The following MMD2 variants were observed in gnomAD, a reference collection of about 807,000 sequenced individuals.
MMD2 encodes monocyte to macrophage differentiation factor 2.
Under a neutral mutation model 33.5 loss-of-function variants are expected in MMD2, and 30 were observed. The observed-to-expected ratio is 0.90, with a 90% CI of 0.67 to 1.22. The LOEUF is 1.22. Among genes scored for constraint, MMD2 ranks in the 50% most tolerant of loss-of-function variants. The pLI is 0.00. For synonymous variants in MMD2, 129 were observed against 123.0 expected (o/e 1.05, Z -0.32); for missense variants, 364 against 325.4 (o/e 1.12, Z -0.91).
chr7:4,949,949 C>T (rs561368539), intron 1 of MMD2, among the ~76,000 whole-genome samples: 40 of 152,294 alleles, frequency 2.6e-4, no homozygotes, highest in Non-Finnish European at 4.4e-4. Flanking sequence ...AAATGACCTG[C>T]CCACGTTACC....
chr7:4,913,443 G>A (rs6979698), intron 4 of MMD2, among the ~76,000 whole-genome samples: 97,102 of 151,898 alleles, frequency 0.64, 31,519 homozygotes, highest in African/African-American at 0.75. Flanking sequence ...TCTGCCTGGC[G>A]CAGTGTCTCA....
At chr7:4,904,259 C>G (rs150454664), downstream of MMD2, among the ~76,000 whole-genome samples, 25 of 152,300 alleles carry the variant, frequency 1.6e-4, no homozygotes, top group East Asian at 4.8e-3. Context: ...ACACCCGGTG[C>G]GCAGCCTAGA....
At chr7:4,950,603 T>C (rs1018647920) in intron 1 of MMD2, among the ~76,000 whole-genome samples, 3 of 152,216 alleles carry the variant, frequency 2.0e-5, no homozygotes, top group Non-Finnish European at 2.9e-5. Context: ...ATACAGTATT[T>C]GTCCCCTTGG....
At chr7:4,908,757 A>G (rs1490668831) in intron 6 of MMD2, among the ~76,000 whole-genome samples, 1 of 151,752 alleles carries the variant, frequency 6.6e-6, no homozygotes, top group African/African-American at 2.4e-5. Context: ...ATTAGCCGAG[A>G]GTGGTGGCAC....
intron 1 of MMD2, among the ~76,000 whole-genome samples, chr7:4,947,267 A>G (rs901168163): frequency 2.6e-5 from 4 of 152,258 alleles, no homozygotes; most frequent in Middle Eastern, 3.4e-3. Context: ...TGCAGGCTGT[A>G]CAGGAAGCAT....
At chr7:4,925,223 G>T (rs1033705854) in intron 2 of MMD2, among the ~76,000 whole-genome samples, 1 of 152,098 alleles carries the variant, frequency 6.6e-6, no homozygotes, top group Non-Finnish European at 1.5e-5. Flanking sequence ...GAGCCACCAT[G>T]CTCGGCCCCA....
chr7:4,920,290 G>A lies in MMD2; in HGVS notation c.171C>T (p.Tyr57=), dbSNP rs377117335. ...TCTCCCAGTCATCGTCCGACAGGAA[G>A]TAGAGGTTGGAGCTGCCCAGGATGC... The part of the protein sequence containing the change: ...IPSILGSSNL[Y]FLSDDDWETI... Residue 57 remains tyrosine (Y), a synonymous_variant, in exon 3 of 7, where the codon TAC becomes TAT. Transcript: ENST00000401401. 6.2e-7 allele frequency: 1 copy of A among 1,609,216 alleles called. No homozygotes were observed. The highest frequency in any genetic ancestry group is 8.5e-7 in the Non-Finnish European group (1 of 1,178,128).
At chr7:4,925,318 G>C (rs59862378) in intron 2 of MMD2, 133 bp downstream of exon 2, 96,573 of 586,386 alleles carry the variant, frequency 0.16, 8,891 homozygotes, top group East Asian at 0.29. Flanking sequence ...ACGCCACAGT[G>C]GCCTTCCCTG....
chr7:4,958,700 C>A (rs1402730619), intron 1 of MMD2, among the ~76,000 whole-genome samples: 1 of 152,250 alleles, frequency 6.6e-6, no homozygotes, highest in Non-Finnish European at 1.5e-5. Flanking sequence ...ACTCGCATAA[C>A]CCCCGTTTTG....
chr7:4,915,755 A>G (rs1378997228), intron 4 of MMD2, among the ~76,000 whole-genome samples: 1 of 151,922 alleles, frequency 6.6e-6, no homozygotes, highest in Non-Finnish European at 1.5e-5. Flanking sequence ...TCTCAGAAAA[A>G]AAAAAAACAA....
chr7:4,902,160 C>CA (rs1243300057), downstream of MMD2, among the ~76,000 whole-genome samples: 5 of 152,282 alleles, frequency 3.3e-5, no homozygotes, highest in African/African-American at 9.6e-5. Context: ...CCATGTTGGT[C>CA]AGGCTGGTCT....
At chr7:4,909,511 C>CA (rs1784951823) in intron 6 of MMD2, among the ~76,000 whole-genome samples, 2 of 151,990 alleles carry the variant, frequency 1.3e-5, no homozygotes, top group African/African-American at 4.8e-5. Context: ...GGTGCAATCT[C>CA]GGCTCACTAC....
At position 4,959,178 on chromosome 7, in the gene MMD2, G is replaced by A. The variant is rs1786476006; in HGVS notation, c.-161C>T. On this transcript the variant is annotated 5_prime_UTR_variant, in exon 1 of 7. Transcript: ENST00000401401. ...CGGAGCCGGAGCCCGAGCCGGAGCT[G>A]GAGGCGCCCGGAGCCGCCGACGCCA... 1 of 441,816 alleles carries A rather than the reference G, an allele frequency of 2.3e-6. No homozygotes were observed. The highest frequency in any genetic ancestry group is 3.6e-6 in the Non-Finnish European group (1 of 278,904). The allele number at this position is 441,816 out of a possible 1,614,324, so 27.4% of individuals were successfully genotyped here. A position where few individuals can be genotyped will look rare whatever the true frequency, so the allele number is the denominator to read the frequency against.
chr7:4,909,968 C>T lies in MMD2; in HGVS notation c.468-18G>A, dbSNP rs751220683. 8.7e-6 allele frequency: 14 copies of T among 1,613,806 alleles called. No homozygotes were observed. The highest frequency in any genetic ancestry group is 8.3e-5 in the Admixed American group (5 of 59,998). On this transcript the variant is annotated intron_variant, in intron 5 of 6. Coordinates refer to ENST00000401401, the MANE Select transcript of MMD2 (RefSeq NM_198403.4). ...GCTTGTACCTGGCAGGAAGACAAGC[C>T]GTGCCGGCCTTAGGACATGCCTCCC...
the MMD2 span, among the ~76,000 whole-genome samples, chr7:4,894,480 G>A: frequency 3.3e-5 from 5 of 152,052 alleles, no homozygotes; most frequent in East Asian, 1.9e-4. The surrounding 1 kb of genome is among the most constrained non-coding windows in gnomAD (Gnocchi z 4.3). Context: ...CAAACCAAGC[G>A]ATCACAGCTC....
chr7:4,902,816 G>A (rs976654032), downstream of MMD2, among the ~76,000 whole-genome samples: 1 of 152,152 alleles, frequency 6.6e-6, no homozygotes, highest in Non-Finnish European at 1.5e-5. Context: ...CTCAGCACTC[G>A]TGGTGCATGA....
At chr7:4,919,067 C>T (rs1176840918) in intron 3 of MMD2, among the ~76,000 whole-genome samples, 1 of 151,788 alleles carries the variant, frequency 6.6e-6, no homozygotes, top group Non-Finnish European at 1.5e-5. Context: ...TTATCACACT[C>T]CAGCCTGGGT....
the MMD2 span, among the ~76,000 whole-genome samples, chr7:4,897,606 T>G: frequency 2.0e-5 from 3 of 152,226 alleles, no homozygotes; most frequent in East Asian, 5.8e-4. Flanking sequence ...AACCTGGCAG[T>G]GTAAACAGGA....
intron 1 of MMD2, among the ~76,000 whole-genome samples, chr7:4,950,350 G>A (rs369687987): frequency 6.6e-6 from 1 of 151,872 alleles, no homozygotes; most frequent in South Asian, 2.1e-4. Context: ...CGCCTGCCTC[G>A]GCCTTCCAAA....
Sources: allele counts gnomAD v4.1 joint callset (sites outside exome capture counted in the v4.1 genomes callset), GRCh38; gene constraint gnomAD v4.1.1; non-coding constraint Gnocchi (gnomAD v3.1); transcripts MANE v1.5; gene names NCBI Gene and HGNC (gene_info 2026-07-23, HGNC 2026-07-21).